Variants in DAB1 observed in about 807,000 individuals in gnomAD.
The protein encoded by DAB1 is disabled homolog 1.
Under a neutral mutation model 64.6 loss-of-function variants are expected in DAB1, and 15 were observed. The observed-to-expected ratio is 0.23, with a 90% CI of 0.16 to 0.36. The LOEUF (loss-of-function observed/expected upper bound fraction) is 0.36, where lower values mean the gene tolerates loss of function less well. Ranked by LOEUF, DAB1 falls within the 10% of genes least tolerant of loss-of-function variation. DAB1 has a pLI of 1.00. For missense variants in DAB1, 596 were observed against 706.7 expected (o/e 0.84, Z 1.78); for synonymous variants, 235 against 251.9 (o/e 0.93, Z 0.64).
intron 1 of DAB1, among the ~76,000 whole-genome samples, chr1:57,842,136 C>G (rs1653080744): frequency 6.6e-6 from 1 of 152,204 alleles, no homozygotes; most frequent in Non-Finnish European, 1.5e-5. Context: ...TCATCTCTCT[C>G]AAGTTCAAAG....
At chr1:57,415,286 T>G (rs115320085) in intron 1 of DAB1, among the ~76,000 whole-genome samples, 1 of 143,712 alleles carries the variant, frequency 7.0e-6, no homozygotes, top group Admixed American at 7.1e-5. Flanking sequence ...CACACATATA[T>G]GCACACACTC....
chr1:57,692,213 C>A (rs1176516996), intron 6 of DAB1, among the ~76,000 whole-genome samples: 2 of 152,158 alleles, frequency 1.3e-5, no homozygotes, highest in Non-Finnish European at 2.9e-5. Flanking sequence ...GTCAGACAAA[C>A]TTCCTCTCAC....
chr1:57,128,703 A>G (rs1364870301), intron 4 of DAB1, among the ~76,000 whole-genome samples: 1 of 152,074 alleles, frequency 6.6e-6, no homozygotes, highest in Non-Finnish European at 1.5e-5. Flanking sequence ...GATCTTTGAG[A>G]CTAGTGCCTC....
At chr1:58,445,725 G>A (rs1645057973) in intron 3 of DAB1, among the ~76,000 whole-genome samples, 1 of 152,170 alleles carries the variant, frequency 6.6e-6, no homozygotes, top group South Asian at 2.1e-4. Context: ...TTTCCCTAAA[G>A]GAATACTCAT....
intron 1 of DAB1, among the ~76,000 whole-genome samples, chr1:57,842,777 C>T (rs1344013171): frequency 6.6e-6 from 1 of 152,212 alleles, no homozygotes; most frequent in Non-Finnish European, 1.5e-5. Flanking sequence ...AGGTCCTTTC[C>T]TCCACATGTG....
intron 3 of DAB1, among the ~76,000 whole-genome samples, chr1:58,448,931 A>G (rs1645102020): frequency 6.6e-6 from 1 of 152,222 alleles, no homozygotes; most frequent in Non-Finnish European, 1.5e-5. Context: ...TTTATAGAGT[A>G]GAGAAAGAAA....
intron 1 of DAB1, among the ~76,000 whole-genome samples, chr1:57,390,205 G>C (rs1179919578): frequency 6.6e-6 from 1 of 151,626 alleles, no homozygotes; most frequent in African/African-American, 2.4e-5. Flanking sequence ...TCCAGAAGTT[G>C]ATCAGGATGA....
At chr1:57,879,690 A>C (rs1267035234) in intron 1 of DAB1, among the ~76,000 whole-genome samples, 6 of 152,146 alleles carry the variant, frequency 3.9e-5, no homozygotes, top group Non-Finnish European at 1.5e-5. Context: ...TTATGGAATG[A>C]ATGAAACCTT....
chr1:58,101,018 A>C (rs528769089), intron 5 of DAB1, among the ~76,000 whole-genome samples: 3 of 152,200 alleles, frequency 2.0e-5, no homozygotes, highest in Admixed American at 2.0e-4. Flanking sequence ...AAGGCTGTGA[A>C]TAGAAAAGCC....
intron 4 of DAB1, among the ~76,000 whole-genome samples, chr1:58,289,149 C>T (rs889790922): frequency 6.6e-6 from 1 of 152,156 alleles, no homozygotes; most frequent in Non-Finnish European, 1.5e-5. Flanking sequence ...ACTTTTTTAC[C>T]CCTTTTTCTT....
chr1:57,948,011 C>T (rs1645209064), intron 5 of DAB1, among the ~76,000 whole-genome samples: 1 of 152,178 alleles, frequency 6.6e-6, no homozygotes, highest in African/African-American at 2.4e-5. Flanking sequence ...GTACTTCTTA[C>T]CTCCATGCCT....
At chr1:57,704,919 T>TTCC (rs1557433497) in intron 6 of DAB1, among the ~76,000 whole-genome samples, 26 of 125,290 alleles carry the variant, frequency 2.1e-4, no homozygotes, top group Middle Eastern at 4.0e-3. Context: ...CCTTTTCATC[T>TTCC]TTCCTTCCTT....
intron 3 of DAB1, among the ~76,000 whole-genome samples, chr1:58,372,868 G>C (rs1260590317): frequency 6.6e-6 from 1 of 152,018 alleles, no homozygotes; most frequent in Non-Finnish European, 1.5e-5. Flanking sequence ...AGTTTCCTGA[G>C]AACTCCCCAC....
At chr1:57,048,574 A>G (rs1362172900) in intron 9 of DAB1, among the ~76,000 whole-genome samples, 1 of 152,236 alleles carries the variant, frequency 6.6e-6, no homozygotes, top group Non-Finnish European at 1.5e-5. Flanking sequence ...CTACCCACGT[A>G]ATAACGAGTG....
rs555066810 is a variant in DAB1, at chr1:57,809,845, C to G, written n.551+74154G>C. 3.3e-5 allele frequency among the ~76,000 whole-genome samples: 5 copies of G among 152,260 alleles called. No homozygotes were observed. In the South Asian group the frequency reaches 1.0e-3, roughly 32 times the overall value. On this transcript the variant is annotated intron_variant and non_coding_transcript_variant, in intron 6 of 20. Coordinates refer to the DAB1 transcript ENST00000485760. Reference sequence around the variant, plus strand: ...TCTTACATGTCAAATATGACTAGAACATCCGTGTTTCCTACTGTGCCTCTC... The same window carrying G: ...TCTTACATGTCAAATATGACTAGAAGATCCGTGTTTCCTACTGTGCCTCTC...
At chr1:58,101,121 C>A (rs1385205139) in intron 5 of DAB1, among the ~76,000 whole-genome samples, 1 of 152,108 alleles carries the variant, frequency 6.6e-6, no homozygotes, top group Non-Finnish European at 1.5e-5. Flanking sequence ...TCCAGACCAT[C>A]CTGGCTAACA....
intron 5 of DAB1, among the ~76,000 whole-genome samples, chr1:58,068,318 C>T (rs937162548): frequency 2.0e-5 from 3 of 152,198 alleles, no homozygotes; most frequent in African/African-American, 4.8e-5. Flanking sequence ...TTGAATTCCA[C>T]GCAGTAGTGT....
At chr1:57,404,045 G>C (rs543689882) in intron 1 of DAB1, among the ~76,000 whole-genome samples, 58 of 152,166 alleles carry the variant, frequency 3.8e-4, no homozygotes, top group African/African-American at 1.4e-3. Context: ...TGCCACAAGA[G>C]ATTACTGAAT....
chr1:58,435,786 T>A (rs1644937387), intron 3 of DAB1, among the ~76,000 whole-genome samples: 2 of 152,244 alleles, frequency 1.3e-5, no homozygotes, highest in Admixed American at 6.5e-5. Flanking sequence ...TATTTATGCC[T>A]CAGGCTTAAC....
Sources: allele counts gnomAD v4.1 joint callset (sites outside exome capture counted in the v4.1 genomes callset), GRCh38; gene constraint gnomAD v4.1.1; transcripts MANE v1.5; gene names NCBI Gene and HGNC (gene_info 2026-07-23, HGNC 2026-07-21).